Variants in ZNF362 observed in about 807,000 individuals in gnomAD.
ZNF362 encodes the protein zinc finger protein 362.
In ZNF362, 11 loss-of-function variants were observed where a neutral mutation model predicts 42.9. That is an observed-to-expected ratio of 0.26 (90% CI 0.16 to 0.42). ZNF362 has a LOEUF of 0.42. Among genes scored for constraint, ZNF362 ranks in the 20% least tolerant of loss-of-function variants. The pLI is 1.00. For missense variants in ZNF362, 362 were observed against 576.2 expected (o/e 0.63, Z 3.81); for synonymous variants, 255 against 257.3 (o/e 0.99, Z 0.09).
At chr1:33,279,197 G>A (rs1557793644) in intron 4 of ZNF362, among the ~76,000 whole-genome samples, 1 of 151,238 alleles carries the variant, frequency 6.6e-6, no homozygotes, top group Admixed American at 6.6e-5. Context: ...GCTAATTTTT[G>A]TAATTTTTGT....
At chr1:33,226,775 G>C in the ZNF362 span, among the ~76,000 whole-genome samples, 1 of 152,206 alleles carries the variant, frequency 6.6e-6, no homozygotes, top group Non-Finnish European at 1.5e-5. Flanking sequence ...TGTGGCATGA[G>C]AATCGCTTGA....
At chr1:33,189,488 A>G in the ZNF362 span, among the ~76,000 whole-genome samples, 1 of 151,108 alleles carries the variant, frequency 6.6e-6, no homozygotes, top group Admixed American at 6.6e-5. Context: ...TGGCTATATA[A>G]TCAGTTGATC....
chr1:33,239,682 A>G, the ZNF362 span, among the ~76,000 whole-genome samples: 1 of 152,174 alleles, frequency 6.6e-6, no homozygotes, highest in Non-Finnish European at 1.5e-5. Context: ...CTCACTTACT[A>G]TCACGAGAAC....
intron 8 of ZNF362, among the ~76,000 whole-genome samples, chr1:33,298,176 G>C (rs1176062970): frequency 2.0e-5 from 3 of 152,270 alleles, no homozygotes; most frequent in Non-Finnish European, 4.4e-5. Flanking sequence ...CAGTCCTGGT[G>C]CCTCAGGTCA....
At chr1:33,256,344 C>T (rs1181231955), upstream of ZNF362, among the ~76,000 whole-genome samples, 1 of 143,718 alleles carries the variant, frequency 7.0e-6, no homozygotes, top group Admixed American at 6.8e-5. Context: ...GGACGGGCTG[C>T]GCAGCCGGAG....
chr1:33,219,340 C>A, the ZNF362 span, among the ~76,000 whole-genome samples: 1 of 152,222 alleles, frequency 6.6e-6, no homozygotes. Context: ...CAACCTCTGC[C>A]CGCCATTCAT....
At chr1:33,236,320 G>T in the ZNF362 span, among the ~76,000 whole-genome samples, 1 of 150,854 alleles carries the variant, frequency 6.6e-6, no homozygotes, top group East Asian at 2.0e-4. Flanking sequence ...TGGGAAGATC[G>T]GTTGAGGCCA....
At chr1:33,134,898 C>T in the ZNF362 span, among the ~76,000 whole-genome samples, 1 of 152,230 alleles carries the variant, frequency 6.6e-6, no homozygotes, top group Non-Finnish European at 1.5e-5. Flanking sequence ...CTGGCCTCAG[C>T]CTCACCAGCC....
chr1:33,136,170 CCT>C, the ZNF362 span, among the ~76,000 whole-genome samples: 53 of 147,680 alleles, frequency 3.6e-4, 1 homozygote, highest in African/African-American at 1.1e-3. Context: ...TTCCTTCCTT[CCT>C]TCCCTCCCTC....
At chr1:33,202,551 T>C in the ZNF362 span, among the ~76,000 whole-genome samples, 1 of 151,390 alleles carries the variant, frequency 6.6e-6, no homozygotes, top group East Asian at 1.9e-4. Context: ...TGAGCCGAGA[T>C]TGCGCCACTG....
chr1:33,218,862 A>T, the ZNF362 span, among the ~76,000 whole-genome samples: 1 of 150,724 alleles, frequency 6.6e-6, no homozygotes, highest in Non-Finnish European at 1.5e-5. Context: ...GCCTCTGGTC[A>T]GTGGAGGGCA....
chr1:33,210,629 T>G, the ZNF362 span, among the ~76,000 whole-genome samples: 1 of 152,218 alleles, frequency 6.6e-6, no homozygotes, highest in Non-Finnish European at 1.5e-5. Context: ...TGCATATATA[T>G]TTAGGATAGT....
chr1:33,299,217 G>A lies in ZNF362; in HGVS notation c.*171G>A, dbSNP rs1286614764. 1.7e-6 allele frequency: 1 copy of A among 593,880 alleles called. No homozygotes were observed. Among genetic ancestry groups the A allele is most frequent in the Non-Finnish European group, 3.0e-6 (1 of 333,190 alleles). The allele number at this position is 593,880 out of a possible 1,614,324, so 36.8% of individuals were successfully genotyped here. On this transcript the variant is annotated 3_prime_UTR_variant, in exon 9 of 9. Transcript: ENST00000539719. The stretch of plus-strand genomic sequence containing the variant: ...GCCCTGCCTGGTCCAGTCCGGGGGC[G>A]GCCAGGCCAACTGCAAGATTCTGGA...
chr1:33,195,572 T>A, the ZNF362 span: 106,949 of 152,104 alleles, frequency 0.7, 38,132 homozygotes, highest in Non-Finnish European at 0.76. Context: ...CTGTACAGGA[T>A]GTTACTGTAT....
chr1:33,209,085 A>G, the ZNF362 span, among the ~76,000 whole-genome samples: 19 of 152,240 alleles, frequency 1.2e-4, no homozygotes, highest in South Asian at 3.9e-3. Context: ...TTATTTTGAG[A>G]TATGTTCCAT....
At chr1:33,213,030 A>C in the ZNF362 span, among the ~76,000 whole-genome samples, 1 of 152,260 alleles carries the variant, frequency 6.6e-6, no homozygotes, top group African/African-American at 2.4e-5. Flanking sequence ...GGCAATAAAA[A>C]GGATAAATTT....
the ZNF362 span, among the ~76,000 whole-genome samples, chr1:33,235,245 C>T: frequency 6.6e-6 from 1 of 152,076 alleles, no homozygotes; most frequent in Non-Finnish European, 1.5e-5. Flanking sequence ...GCTGATTTCT[C>T]CTTGCTCAAG....
the ZNF362 span, among the ~76,000 whole-genome samples, chr1:33,143,893 C>A: frequency 6.6e-6 from 1 of 152,244 alleles, no homozygotes; most frequent in East Asian, 1.9e-4. Flanking sequence ...AAGCCTCTGA[C>A]TCTGTGACCA....
chr1:33,156,115 C>T, the ZNF362 span, among the ~76,000 whole-genome samples: 1 of 152,198 alleles, frequency 6.6e-6, no homozygotes, highest in African/African-American at 2.4e-5. Flanking sequence ...TGCAGCAGAT[C>T]GCAGTCAAGG....
Sources: gnomAD v4.1 joint callset for allele counts (sites outside exome capture counted in the v4.1 genomes callset) on GRCh38, gnomAD v4.1.1 for gene constraint, MANE v1.5 for transcripts, NCBI Gene and HGNC (gene_info 2026-07-23, HGNC 2026-07-21) for gene names.